Variants in LRFN5 observed in about 807,000 individuals in gnomAD.
LRFN5 encodes leucine-rich repeat and fibronectin type-III domain-containing protein 5.
In LRFN5, 24 loss-of-function variants were observed where a neutral mutation model predicts 45.6. The observed-to-expected ratio is 0.53, with a 90% CI of 0.38 to 0.74. The LOEUF (loss-of-function observed/expected upper bound fraction) is 0.74, where lower values mean the gene tolerates loss of function less well. LRFN5 is among the 30% of genes least tolerant of loss of function. LRFN5 has a pLI of 0.00. For missense variants in LRFN5, 776 were observed against 861.5 expected (o/e 0.90, Z 1.24); for synonymous variants, 340 against 313.8 (o/e 1.08, Z -0.88).
intron 1 of LRFN5, among the ~76,000 whole-genome samples, chr14:41,715,894 T>C (rs1007568581): frequency 2.0e-5 from 3 of 152,182 alleles, no homozygotes; most frequent in Non-Finnish European, 4.4e-5. Flanking sequence ...GCAGAGGTTC[T>C]CCATGAGGGC....
intron 2 of LRFN5, among the ~76,000 whole-genome samples, chr14:41,804,776 C>T (rs968642730): frequency 6.6e-6 from 1 of 152,130 alleles, no homozygotes; most frequent in African/African-American, 2.4e-5. Context: ...GTTTCAAAAA[C>T]ATATTTGTTA....
intron 1 of LRFN5, among the ~76,000 whole-genome samples, chr14:41,628,518 C>T (rs1256501627): frequency 6.6e-6 from 1 of 151,982 alleles, no homozygotes; most frequent in Non-Finnish European, 1.5e-5. Flanking sequence ...GTGGGAGGAT[C>T]ACTTGAGGCC....
intron 2 of LRFN5, among the ~76,000 whole-genome samples, chr14:41,844,835 T>A (rs1246727761): frequency 6.6e-6 from 1 of 152,126 alleles, no homozygotes; most frequent in Non-Finnish European, 1.5e-5. Context: ...TTTGTATCAT[T>A]TTCATATAGC....
chr14:41,887,683 G>T lies in LRFN5; in HGVS notation c.1058G>T (p.Gly353Val). The T allele has an allele frequency of 1.2e-6, 2 of 1,614,126 alleles. No individual in the cohort carries two copies. The highest frequency in any genetic ancestry group is 1.7e-6 in the Non-Finnish European group (2 of 1,180,012). The change falls in exon 3 of 6, where the codon GGT (glycine) becomes GTT (valine). Residue 353 changes from glycine (G) to valine (V), a missense_variant. By Grantham distance (109) the Gly-to-Val change is moderately radical. Coordinates refer to ENST00000298119, the MANE Select transcript of LRFN5 (RefSeq NM_152447.5). This position sits in a 1 kb window ranked among gnomAD's most constrained non-coding sequence, Gnocchi z 4.8. ...DILITTVKDT[G>V]AFTCIASNPA... ...CTTATCACAACTGTAAAGGATACAG[G>T]TGCTTTTACCTGCATTGCTTCCAAT...
At chr14:41,783,707 G>C (rs1034362959) in intron 2 of LRFN5, among the ~76,000 whole-genome samples, 3 of 147,496 alleles carry the variant, frequency 2.0e-5, no homozygotes, top group African/African-American at 7.6e-5. Flanking sequence ...AAAAAAAGGG[G>C]ATGTTCTGTT....
intron 1 of LRFN5, among the ~76,000 whole-genome samples, chr14:41,683,136 T>C (rs1159127827): frequency 6.6e-6 from 1 of 152,196 alleles, no homozygotes; most frequent in Admixed American, 6.5e-5. Flanking sequence ...ACCAAATGGG[T>C]CATCCCTGGG....
chr14:41,877,255 C>T (rs146042324), intron 2 of LRFN5, among the ~76,000 whole-genome samples: 2 of 152,300 alleles, frequency 1.3e-5, no homozygotes, highest in African/African-American at 4.8e-5. Flanking sequence ...ACAAGCTCAG[C>T]AGCTGCAGGC....
chr14:41,636,905 G>A (rs1042681786), intron 1 of LRFN5, among the ~76,000 whole-genome samples: 1 of 152,198 alleles, frequency 6.6e-6, no homozygotes, highest in Non-Finnish European at 1.5e-5. Flanking sequence ...CCCCCCTAGA[G>A]GCAGACTGCC....
At chr14:41,825,456 A>G (rs998359228) in intron 2 of LRFN5, among the ~76,000 whole-genome samples, 4 of 152,182 alleles carry the variant, frequency 2.6e-5, no homozygotes, top group African/African-American at 9.6e-5. Flanking sequence ...GTACGGGAGA[A>G]CATGCATTCT....
intron 1 of LRFN5, among the ~76,000 whole-genome samples, chr14:41,673,417 C>G (rs1183526510): frequency 2.1e-5 from 3 of 140,662 alleles, no homozygotes; most frequent in Non-Finnish European, 4.6e-5. Context: ...ACCTCACTGC[C>G]GGACCGGGCG....
intron 1 of LRFN5, among the ~76,000 whole-genome samples, chr14:41,664,400 G>C (rs1478213048): frequency 6.6e-6 from 1 of 151,724 alleles, no homozygotes; most frequent in Admixed American, 6.6e-5. Flanking sequence ...TTTCTTGGTG[G>C]TATCTACTCC....
chr14:41,646,587 A>G (rs901883220), intron 1 of LRFN5, among the ~76,000 whole-genome samples: 8 of 152,208 alleles, frequency 5.3e-5, no homozygotes, highest in African/African-American at 1.9e-4. Context: ...AGAAGATAAT[A>G]TGAAATATCT....
At position 41,904,322 on chromosome 14, in the gene LRFN5, CTGA is replaced by C. The variant is rs934379268; in HGVS notation, c.*151_*153del. ...TCTACAGGAGCCAAGGTGAAAGTCTCTGATGACGGCGGAACTGGCTCCATTAGA... is the reference window on the plus strand; with the variant it reads ...TCTACAGGAGCCAAGGTGAAAGTCTCTGACGGCGGAACTGGCTCCATTAGA... On this transcript the variant is annotated 3_prime_UTR_variant, in exon 6 of 6. Transcript: ENST00000298119. 1.3e-4 allele frequency: 132 copies of C among 989,766 alleles called. 1 individual carries two copies. In the Admixed American group the frequency reaches 2.6e-3, roughly 19 times the overall value. The allele number at this position is 989,766 out of a possible 1,614,324, so 61.3% of individuals were successfully genotyped here.
At chr14:41,696,967 T>A (rs1397495422) in intron 1 of LRFN5, among the ~76,000 whole-genome samples, 2 of 152,004 alleles carry the variant, frequency 1.3e-5, no homozygotes, top group East Asian at 3.9e-4. Flanking sequence ...CAAATAGTGA[T>A]ATTATTGGAT....
Position 41,887,100 on chromosome 14 carries a change from C to T in LRFN5, c.475C>T (p.Leu159=). The part of the protein sequence containing the change: ...LEELDLSYNN[L]ETIPWDAVEK... ...GGAGCTGGATCTGTCCTATAATAAT[C>T]TAGAAACCATTCCTTGGGATGCTGT... Residue 159 remains leucine, a synonymous_variant, in exon 3 of 6, where the codon CTA becomes TTA. Coordinates refer to ENST00000298119, the MANE Select transcript of LRFN5 (RefSeq NM_152447.5). The surrounding 1 kb of genome is among the most constrained non-coding windows in gnomAD (Gnocchi z 4.8). 6.2e-7 allele frequency: 1 copy of T among 1,613,956 alleles called. No individual in the cohort carries two copies. The highest frequency in any genetic ancestry group is 2.2e-5 in the East Asian group (1 of 44,876).
At chr14:41,639,395 C>T (rs531767683) in intron 1 of LRFN5, among the ~76,000 whole-genome samples, 22 of 152,118 alleles carry the variant, frequency 1.4e-4, no homozygotes, top group Middle Eastern at 3.4e-3. Context: ...TTGTTTTATC[C>T]GCAGATGAAG....
chr14:41,693,666 T>G (rs544138626), intron 1 of LRFN5, among the ~76,000 whole-genome samples: 1 of 152,194 alleles, frequency 6.6e-6, no homozygotes, highest in East Asian at 1.9e-4. Context: ...ATTCTGTGAT[T>G]TTTTGATAGG....
chr14:41,786,003 A>G (rs117866579), intron 2 of LRFN5, among the ~76,000 whole-genome samples: 1,964 of 151,322 alleles, frequency 0.013, 24 homozygotes, highest in Non-Finnish European at 0.017. Flanking sequence ...ACTGACTGGC[A>G]TTGTTCCCTG....
At chr14:41,853,285 C>T (rs1198999774) in intron 2 of LRFN5, among the ~76,000 whole-genome samples, 1 of 151,904 alleles carries the variant, frequency 6.6e-6, no homozygotes, top group Admixed American at 6.6e-5. Context: ...TAGTTCTCAG[C>T]TCTGTTCTGG....
Sources: gnomAD v4.1 joint callset for allele counts (sites outside exome capture counted in the v4.1 genomes callset) on GRCh38, gnomAD v4.1.1 for gene constraint, Gnocchi (gnomAD v3.1) non-coding constraint, MANE v1.5 for transcripts, NCBI Gene and HGNC (gene_info 2026-07-23, HGNC 2026-07-21) for gene names.